Variants in MPPED2 observed in about 807,000 individuals in gnomAD.
The protein encoded by MPPED2 is metallophosphoesterase MPPED2.
In MPPED2, 5 loss-of-function variants were observed where a neutral mutation model predicts 33.0. That is an observed-to-expected ratio of 0.15 (90% CI 0.08 to 0.32). MPPED2 has a LOEUF of 0.32. MPPED2 is among the 10% of genes least tolerant of loss of function. The probability of loss-of-function intolerance (pLI) is 1.00; values close to 1 mark genes in which losing one functional copy is unlikely to be tolerated. For missense variants in MPPED2, 275 were observed against 372.1 expected (o/e 0.74, Z 2.15); for synonymous variants, 136 against 141.9 (o/e 0.96, Z 0.29).
chr11:30,487,774 C>T (rs942261179), intron 4 of MPPED2, among the ~76,000 whole-genome samples: 2 of 152,118 alleles, frequency 1.3e-5, no homozygotes, highest in African/African-American at 4.8e-5. Context: ...CTGCACCTGG[C>T]CAATTTTTCT....
chr11:30,506,518 C>A (rs1351555264), intron 3 of MPPED2, among the ~76,000 whole-genome samples: 3 of 152,076 alleles, frequency 2.0e-5, no homozygotes, highest in African/African-American at 7.2e-5. Context: ...GTTTATTTTT[C>A]CCCCACAAAG....
chr11:30,568,747 T>A (rs1283073741), intron 2 of MPPED2, among the ~76,000 whole-genome samples: 1 of 152,162 alleles, frequency 6.6e-6, no homozygotes, highest in Admixed American at 6.5e-5. Flanking sequence ...TAAAGTTAAA[T>A]TATTTTTTCC....
chr11:30,420,778 C>T (rs545232350), intron 4 of MPPED2, among the ~76,000 whole-genome samples: 2 of 152,276 alleles, frequency 1.3e-5, no homozygotes, highest in East Asian at 1.9e-4. Context: ...TCTCTCTTGT[C>T]CTTTAAGATT....
intron 4 of MPPED2, among the ~76,000 whole-genome samples, chr11:30,449,086 T>C (rs1949938492): frequency 6.6e-6 from 1 of 152,226 alleles, no homozygotes; most frequent in Non-Finnish European, 1.5e-5. Context: ...AGATTTTAAG[T>C]TTACCACAGC....
chr11:30,552,917 A>G (rs1955782782), intron 2 of MPPED2, among the ~76,000 whole-genome samples: 1 of 152,158 alleles, frequency 6.6e-6, no homozygotes, highest in Admixed American at 6.6e-5. Context: ...TTCAAATGCC[A>G]ACAGACCCTG....
At chr11:30,420,275 C>T (rs1454694011) in intron 4 of MPPED2, among the ~76,000 whole-genome samples, 4 of 152,126 alleles carry the variant, frequency 2.6e-5, no homozygotes, top group African/African-American at 9.7e-5. Context: ...CTATTGATGG[C>T]TTTGAACACA....
At chr11:30,584,978 A>C (rs1243344136) in intron 1 of MPPED2, 2 of 152,002 alleles carry the variant, frequency 1.3e-5, no homozygotes, top group East Asian at 3.9e-4. Flanking sequence ...TTTGCACTTA[A>C]TTTGGGGTGT....
chr11:30,465,071 G>A (rs963864502), intron 4 of MPPED2, among the ~76,000 whole-genome samples: 15 of 152,218 alleles, frequency 9.9e-5, no homozygotes, highest in Non-Finnish European at 1.6e-4. Context: ...AAGATGAACT[G>A]TTCAGCAGTA....
chr11:30,472,524 A>T (rs933382044), intron 4 of MPPED2, among the ~76,000 whole-genome samples: 5 of 152,218 alleles, frequency 3.3e-5, no homozygotes, highest in Admixed American at 3.3e-4. Context: ...GTGTCCATCA[A>T]CAAATAAATG....
chr11:30,406,121 T>G (rs1947985671), downstream of MPPED2, among the ~76,000 whole-genome samples: 1 of 152,176 alleles, frequency 6.6e-6, no homozygotes. Context: ...TTGGAATTGT[T>G]GCAGGTGGAC....
intron 6 of MPPED2, among the ~76,000 whole-genome samples, chr11:30,413,540 C>T (rs1470931910): frequency 2.0e-5 from 3 of 152,178 alleles, no homozygotes; most frequent in Admixed American, 2.0e-4. Flanking sequence ...GAACCTGACT[C>T]AGCTTACCTT....
intron 3 of MPPED2, among the ~76,000 whole-genome samples, chr11:30,507,607 T>C (rs1375437069): frequency 6.6e-6 from 1 of 152,164 alleles, no homozygotes; most frequent in Non-Finnish European, 1.5e-5. Flanking sequence ...AGTGACAATA[T>C]AGAGGGAATG....
chr11:30,585,241 T>C (rs1421715512), intron 1 of MPPED2, among the ~76,000 whole-genome samples: 1 of 151,990 alleles, frequency 6.6e-6, no homozygotes, highest in Non-Finnish European at 1.5e-5. Context: ...TCGGTACTCG[T>C]CCCCCGTCGC....
chr11:30,413,375 G>T (rs1185208053), intron 6 of MPPED2, among the ~76,000 whole-genome samples: 3 of 152,218 alleles, frequency 2.0e-5, no homozygotes, highest in Non-Finnish European at 4.4e-5. Context: ...ACACAAGCGT[G>T]TGTAACTGGG....
chr11:30,443,702 T>C (rs1344816157), intron 4 of MPPED2, among the ~76,000 whole-genome samples: 2 of 152,192 alleles, frequency 1.3e-5, no homozygotes, highest in Non-Finnish European at 2.9e-5. Context: ...AGATAATAAA[T>C]ACTCATCTCC....
chr11:30,553,390 A>G (rs1361644189), intron 2 of MPPED2, among the ~76,000 whole-genome samples: 1 of 152,230 alleles, frequency 6.6e-6, no homozygotes, highest in Non-Finnish European at 1.5e-5. Flanking sequence ...ATGTATGACC[A>G]TCATCTAAAA....
At chr11:30,515,099 C>G (rs1287547152) in intron 3 of MPPED2, among the ~76,000 whole-genome samples, 1 of 152,174 alleles carries the variant, frequency 6.6e-6, no homozygotes, top group East Asian at 1.9e-4. Flanking sequence ...TATCTCAAAA[C>G]AAACAAACAA....
At position 30,424,842 on chromosome 11, in the gene MPPED2, C is replaced by T. The variant is rs905442996; in HGVS notation, c.537-7209G>A. Among the ~76,000 whole-genome samples, 12 of 152,206 alleles carry T rather than the reference C, an allele frequency of 7.9e-5. 1 individual carries two copies. The South Asian group carries it at 8.3e-4, about 11-fold the overall frequency. ...CCACAGAGCAACTTCACACCTTGTG[C>T]AGCAAAGAGACACACACACACCAAT... On this transcript the variant is annotated intron_variant, in intron 4 of 6. Transcript: ENST00000358117.
At position 30,580,516 on chromosome 11, in the gene MPPED2, T is replaced by C. The variant is rs1474421691; in HGVS notation, c.-121-22A>G. On this transcript the variant is annotated intron_variant, in intron 1 of 6. Transcript: ENST00000358117. ...ATTTCTGAAAGAAAAAAAAAATGTA[T>C]ATAAAATGAGAACAAAGAGAAAAAG... is the stretch of plus-strand genomic sequence containing the variant. 4 of 1,414,744 alleles carry C rather than the reference T, an allele frequency of 2.8e-6. No individual in the cohort carries two copies. In the African/African-American group the frequency reaches 4.3e-5, roughly 15 times the overall value. 87.6% of individuals were successfully genotyped at this position (1,414,744 alleles called of 1,614,324 possible).
Sources: allele counts gnomAD v4.1 joint callset (sites outside exome capture counted in the v4.1 genomes callset), GRCh38; gene constraint gnomAD v4.1.1; transcripts MANE v1.5; gene names NCBI Gene and HGNC (gene_info 2026-07-23, HGNC 2026-07-21).